Variants in METTL26 observed in about 807,000 individuals in gnomAD.
METTL26 encodes the protein methyltransferase-like 26.
Under a neutral mutation model 24.7 loss-of-function variants are expected in METTL26, and 28 were observed. The ratio of observed to expected loss-of-function variants is 1.13; its 90% CI spans 0.84 to 1.55. The LOEUF is 1.55. METTL26 is among the 40% of genes most tolerant of loss of function. The pLI, the probability that METTL26 is intolerant of heterozygous loss-of-function variation, is 0.00. For synonymous variants in METTL26, 165 were observed against 125.2 expected, an observed-to-expected ratio of 1.32 and a Z score of -2.12; for missense variants, 344 against 281.2, an observed-to-expected ratio of 1.22 and a Z score of -1.60.
At chr16:635,938 G>C in intron 1 of METTL26, 156 bp downstream of exon 1, 1 of 1,333,482 alleles carries the variant, frequency 7.5e-7, no homozygotes, top group Non-Finnish European at 9.9e-7. Context: ...AGCCGCGGGG[G>C]CCGCACAGCT....
At chr16:635,129 G>T in intron 3 of METTL26, 152 bp downstream of exon 3, 3 of 1,482,670 alleles carry the variant, frequency 2.0e-6, no homozygotes, top group South Asian at 1.3e-5. Flanking sequence ...GCTGGCAGAT[G>T]ACCCAGGGAG....
intron 1 of METTL26, 152 bp from the exon 2 acceptor site, chr16:635,926 G>T: frequency 7.5e-7 from 1 of 1,334,716 alleles, no homozygotes; most frequent in Non-Finnish European, 9.9e-7. Context: ...ACCCACTTCC[G>T]CAGCCGCGGG....
Position 635,756 on chromosome 16 carries a change from T to C in METTL26, c.216A>G (p.Gln72=), listed in dbSNP as rs760856355. ...RCLDSIAATT[Q]AQGLTNVKAP... ...CCTTCACGTTGGTCAGGCCCTGGGC[T>C]TGCGTGGTGGCCGCGATGCTGCAGG... The change falls in exon 2 of 6, where the codon CAA becomes CAG. Residue 72 remains glutamine, a synonymous_variant. Transcript: ENST00000301686. The C allele has an allele frequency of 1.3e-6, 2 of 1,570,238 alleles. No individual in the cohort carries two copies. Among genetic ancestry groups the C allele is most frequent in the Non-Finnish European group, 1.7e-6 (2 of 1,155,332 alleles).
intron 2 of METTL26, 35 bp from the exon 3 acceptor site, chr16:635,375 G>A (rs1426277049): frequency 6.4e-7 from 1 of 1,566,260 alleles, no homozygotes; most frequent in Admixed American, 1.8e-5. Context: ...GTGAGGTGCT[G>A]CCCCCAACAG....
chr16:635,853 G>A lies in METTL26; in HGVS notation c.198-79C>T, dbSNP rs921884123. 6.2e-6 allele frequency: 9 copies of A among 1,457,490 alleles called. No individual in the cohort carries two copies. In the South Asian group the frequency reaches 1.1e-4, roughly 17 times the overall value. The allele number at this position is 1,457,490 out of a possible 1,614,324, so 90.3% of individuals were successfully genotyped here. A position where few individuals can be genotyped will look rare whatever the true frequency, so the allele number is the denominator to read the frequency against. On this transcript the variant is annotated intron_variant, in intron 1 of 5. Coordinates refer to ENST00000301686, the MANE Select transcript of METTL26 (RefSeq NM_032366.5). ...GACGCCCCCACAGAATTTCTTAGGG[G>A]AGGCTGGGGGGCACGTTGAGGAGCG...
rs767237602 is a variant in METTL26, at chr16:634,585, TGAA to T, written c.*9_*11del. 10 of 1,612,528 alleles carry T rather than the reference TGAA, an allele frequency of 6.2e-6. No homozygotes were observed. The South Asian group carries it at 8.8e-5, about 14-fold the overall frequency. ...CGGCAGGGATGCAGGTGTGCGGGGG[TGAA>T]GGAGGGGCTTAGTTTTTCCGGAAGA... On this transcript the variant is annotated 3_prime_UTR_variant, in exon 6 of 6. Coordinates refer to ENST00000301686, the MANE Select transcript of METTL26 (RefSeq NM_032366.5).
chr16:635,504 C>G, intron 2 of METTL26, 108 bp downstream of exon 2: 1 of 1,323,090 alleles, frequency 7.6e-7, no homozygotes, highest in South Asian at 1.3e-5. Flanking sequence ...ATGGGGGAGG[C>G]TGGAGACCCT....
Position 635,321 on chromosome 16 carries a change from C to G in METTL26, c.380G>C (p.Gly127Ala). 6.2e-7 allele frequency: 1 copy of G among 1,600,082 alleles called. No homozygotes were observed. The highest frequency in any genetic ancestry group is 8.5e-7 in the Non-Finnish European group (1 of 1,173,482). ...CAGGGCCCTGGGTTTGAGCAGGTGTCCTGCTGCTCTGAAGAGCCCCTGGTG... is the reference window on the plus strand; with the variant it reads ...CAGGGCCCTGGGTTTGAGCAGGTGTGCTGCTGCTCTGAAGAGCCCCTGGTG... Reference protein sequence around the residue: ...RCTEGLFRAAGHLLKPRALLI... With the variant: ...RCTEGLFRAAAHLLKPRALLI... The change falls in exon 3 of 6, where the codon GGA becomes GCA. Residue 127 changes from glycine (G) to alanine (A), a missense_variant. Physicochemically the swap from Gly to Ala is moderately conservative, Grantham distance 60. Transcript: ENST00000301686.
In METTL26 at chr16:636,080, C is replaced by T. The variant is rs369108594; in HGVS notation, c.197+14G>A. 2 of 1,407,640 alleles carry T rather than the reference C, an allele frequency of 1.4e-6. No individual in the cohort carries two copies. Among genetic ancestry groups the T allele is most frequent in the Non-Finnish European group, 1.8e-6 (2 of 1,088,560 alleles). The allele number at this position is 1,407,640 out of a possible 1,614,324, so 87.2% of individuals were successfully genotyped here. A position where few individuals can be genotyped will look rare whatever the true frequency, so the allele number is the denominator to read the frequency against. On this transcript the variant is annotated intron_variant, in intron 1 of 5. Transcript: ENST00000301686. ...CCGCCGCACCGATAGAAGTGGCCGC[C>T]CCGGGGGCCGCACCTGTCCAGGCAG... is the stretch of plus-strand genomic sequence containing the variant.
Position 635,763 on chromosome 16 carries a change from G to A in METTL26, c.209C>T (p.Thr70Ile). 2 of 1,568,688 alleles carry A rather than the reference G, an allele frequency of 1.3e-6. No individual in the cohort carries two copies. Among genetic ancestry groups the A allele is most frequent in the South Asian group, 2.3e-5 (2 of 86,524 alleles). Residue 70 changes from threonine (T) to isoleucine (I), a missense_variant, in exon 2 of 6, where the codon ACC becomes ATC. Thr to Ile is a moderately conservative substitution (Grantham distance 89). Coordinates refer to ENST00000301686, the MANE Select transcript of METTL26 (RefSeq NM_032366.5). ...GTTGGTCAGGCCCTGGGCTTGCGTG[G>A]TGGCCGCGATGCTGCAGGAGGCGAA... The part of the protein sequence containing the change: ...DQRCLDSIAA[T>I]TQAQGLTNVK...
intron 2 of METTL26, 32 bp downstream of exon 2, chr16:635,580 C>G (rs111577390): frequency 1.3e-6 from 2 of 1,546,946 alleles, no homozygotes; most frequent in Admixed American, 2.0e-5. Flanking sequence ...AGTGGTGCCA[C>G]GGCAGACACC....
At chr16:635,187 G>A (rs528494151) in intron 3 of METTL26, 94 bp downstream of exon 3, 383 of 1,480,088 alleles carry the variant, frequency 2.6e-4, no homozygotes, top group Non-Finnish European at 3.2e-4. Context: ...GGCTGGGCGG[G>A]GGGCAGGGAG....
Position 634,580 on chromosome 16 carries a change from G to A in METTL26, c.*17C>T, listed in dbSNP as rs774257777. 3.2e-5 allele frequency: 52 copies of A among 1,613,164 alleles called. No individual in the cohort carries two copies. Among genetic ancestry groups the A allele is most frequent in the Middle Eastern group, 1.7e-4 (1 of 6,060 alleles). On this transcript the variant is annotated 3_prime_UTR_variant, in exon 6 of 6. Transcript: ENST00000301686. The stretch of plus-strand genomic sequence containing the variant: ...GCCTCCGGCAGGGATGCAGGTGTGC[G>A]GGGGTGAAGGAGGGGCTTAGTTTTT...
chr16:634,851 C>G (rs1300444286), intron 4 of METTL26, 38 bp downstream of exon 4: 1 of 1,575,788 alleles, frequency 6.3e-7, no homozygotes, highest in Admixed American at 1.8e-5. Context: ...CCCAAGCCAC[C>G]TGCCACCTGA....
chr16:635,858 TG>T lies in METTL26; in HGVS notation c.198-85del, dbSNP rs554114192. 13 of 1,448,758 alleles carry T rather than the reference TG, an allele frequency of 9.0e-6. No homozygotes were observed. In the East Asian group the frequency reaches 2.3e-4, roughly 25 times the overall value. The allele number at this position is 1,448,758 out of a possible 1,614,324, so 89.7% of individuals were successfully genotyped here. On this transcript the variant is annotated intron_variant, in intron 1 of 5. Coordinates refer to ENST00000301686, the MANE Select transcript of METTL26 (RefSeq NM_032366.5). Reference sequence around the variant, plus strand: ...CCCCACAGAATTTCTTAGGGGAGGCTGGGGGGCACGTTGAGGAGCGGAGACC... The same window carrying T: ...CCCCACAGAATTTCTTAGGGGAGGCTGGGGGCACGTTGAGGAGCGGAGACC...
Position 634,816 on chromosome 16 carries a change from T to C in METTL26, c.489-19A>G. The C allele has an allele frequency of 1.2e-6, 2 of 1,601,316 alleles. No homozygotes were observed. Among genetic ancestry groups the C allele is most frequent in the Non-Finnish European group, 1.7e-6 (2 of 1,173,806 alleles). ...TGGGTTCCTGCAGAGGGTGGGGAGA[T>C]GGAGTCATGGCCTGGGGGGTGCCAC... On this transcript the variant is annotated intron_variant, in intron 4 of 5. Coordinates refer to ENST00000301686, the MANE Select transcript of METTL26 (RefSeq NM_032366.5).
In METTL26 at chr16:635,310, T is replaced by G; in HGVS notation, c.391A>C (p.Lys131Gln). The G allele has an allele frequency of 6.3e-7, 1 of 1,599,388 alleles. No homozygotes were observed. Residue 131 changes from lysine to glutamine, a missense_variant, in exon 3 of 6, where the codon AAA becomes CAA. Lys to Gln is a moderately conservative substitution (Grantham distance 53). Transcript: ENST00000301686. ...GLFRAAGHLL[K>Q]PRALLITYGP... ...TAGGTGATGAGCAGGGCCCTGGGTT[T>G]GAGCAGGTGTCCTGCTGCTCTGAAG...
Position 635,375 on chromosome 16 carries a change from GC to G in METTL26, c.361-36del, listed in dbSNP as rs751406664. 4.5e-6 allele frequency: 7 copies of G among 1,566,260 alleles called. No individual in the cohort carries two copies. The Admixed American group carries it at 1.3e-4, about 29-fold the overall frequency. The stretch of plus-strand genomic sequence containing the variant: ...AGGAACAGGACGGCAGTGAGGTGCT[GC>G]CCCCAACAGAAGCCAGGCCCTGAGG... On this transcript the variant is annotated intron_variant, in intron 2 of 5. Coordinates refer to ENST00000301686, the MANE Select transcript of METTL26 (RefSeq NM_032366.5).
At chr16:635,117 A>G in intron 3 of METTL26, 161 bp from the exon 4 acceptor site, 7 of 1,492,158 alleles carry the variant, frequency 4.7e-6, no homozygotes, top group Non-Finnish European at 6.2e-6. Context: ...GGGGGTAGGG[A>G]GGCTGGCAGA....
Sources: gnomAD v4.1 joint callset for allele counts on GRCh38, gnomAD v4.1.1 for gene constraint, MANE v1.5 for transcripts, NCBI Gene and HGNC (gene_info 2026-07-23, HGNC 2026-07-21) for gene names.